Variants in PMFBP1 observed in about 807,000 individuals in gnomAD.
The protein encoded by PMFBP1 is polyamine modulated factor 1 binding protein 1, also known as polyamine-modulated factor 1-binding protein 1.
PMFBP1 carries 131 observed loss-of-function variants against 137.8 expected under a neutral mutation model. The ratio of observed to expected loss-of-function variants is 0.95; its 90% CI spans 0.82 to 1.10. The LOEUF is 1.10. PMFBP1 is among the 50% of genes least tolerant of loss of function. PMFBP1 has a pLI of 0.00. For missense variants in PMFBP1, 1,199 were observed against 1,175.4 expected (o/e 1.02, Z -0.29); for synonymous variants, 490 against 450.4 (o/e 1.09, Z -1.11).
At chr16:72,120,241 G>A in intron 19 of PMFBP1, 152 bp from the exon 20 acceptor site, 1 of 1,299,720 alleles carries the variant, frequency 7.7e-7, no homozygotes, top group Non-Finnish European at 1.1e-6. Context: ...CTGTAGAAAT[G>A]GAAGCCTACG....
At chr16:72,135,419 G>T (rs1473673990) in intron 9 of PMFBP1, among the ~76,000 whole-genome samples, 5 of 146,934 alleles carry the variant, frequency 3.4e-5, no homozygotes, top group South Asian at 2.1e-4. Context: ...GTTTCACCCT[G>T]TTGGTCAGGC....
At chr16:72,135,469 G>A (rs1400315045) in intron 9 of PMFBP1, among the ~76,000 whole-genome samples, 3 of 151,004 alleles carry the variant, frequency 2.0e-5, no homozygotes, top group South Asian at 2.1e-4. Context: ...CACCCACCTC[G>A]GCCTCCCAAA....
intron 20 of PMFBP1, 156 bp downstream of exon 20, chr16:72,119,695 C>T (rs2042347391): frequency 1.4e-6 from 2 of 1,468,622 alleles, no homozygotes; most frequent in South Asian, 2.9e-5. Context: ...TGCCTCCTCC[C>T]TTTACAGATG....
At chr16:72,150,466 G>T (rs1033219991) in intron 5 of PMFBP1, 142 bp downstream of exon 5, 13 of 774,256 alleles carry the variant, frequency 1.7e-5, no homozygotes, top group Non-Finnish European at 2.8e-5. Context: ...AGGTTCAAAA[G>T]CTGAGGGCTA....
upstream of PMFBP1, among the ~76,000 whole-genome samples, chr16:72,180,593 C>T (rs181206858): frequency 6.6e-6 from 1 of 152,100 alleles, no homozygotes; most frequent in Admixed American, 6.5e-5. Context: ...ACTTCTGCTG[C>T]GACTCCCAAG....
In PMFBP1 at chr16:72,126,106, C is replaced by T. The variant is rs1295984830; in HGVS notation, c.2115G>A (p.Met705Ile). The T allele has an allele frequency of 1.2e-6, 2 of 1,614,016 alleles. No homozygotes were observed. Among genetic ancestry groups the T allele is most frequent in the Non-Finnish European group, 8.5e-7 (1 of 1,180,004 alleles). Residue 705 changes from methionine (M) to isoleucine (I), a missense_variant, in exon 15 of 21, where the codon ATG becomes ATA. By Grantham distance (10) the Met-to-Ile change is conservative. Transcript: ENST00000237353. ...CTTTGTCCAGCTGGGCCTGCAGGCT[C>T]ATTAAGGACTCCTTCTGAAGGGCTA... ...KEIALQKESL[M>I]SLQAQLDKAL...
the PMFBP1 span, among the ~76,000 whole-genome samples, chr16:72,239,576 T>C: frequency 1.1e-4 from 17 of 152,260 alleles, no homozygotes; most frequent in Middle Eastern, 3.4e-3. Flanking sequence ...TGGTTTATCA[T>C]TACTATCATC....
chr16:72,226,552 AAAAGCTTCC>A, the PMFBP1 span, among the ~76,000 whole-genome samples: 3 of 152,326 alleles, frequency 2.0e-5, no homozygotes, highest in African/African-American at 7.2e-5. Context: ...ACACATTGCC[AAAAGCTTCC>A]ATTTGTCTCC....
chr16:72,211,932 G>A, the PMFBP1 span, among the ~76,000 whole-genome samples: 2 of 152,174 alleles, frequency 1.3e-5, no homozygotes, highest in East Asian at 1.9e-4. Flanking sequence ...GGGAGGCAGA[G>A]GTTGCAGTGA....
intron 2 of PMFBP1, among the ~76,000 whole-genome samples, chr16:72,167,896 A>G (rs1459534362): frequency 6.6e-6 from 1 of 152,212 alleles, no homozygotes; most frequent in African/African-American, 2.4e-5. Context: ...GAGTCTCTCT[A>G]AATTAAAAGT....
the PMFBP1 span, among the ~76,000 whole-genome samples, chr16:72,205,443 C>T: frequency 1.4e-4 from 22 of 152,338 alleles, no homozygotes; most frequent in Middle Eastern, 3.4e-3. Context: ...ACAGTAACCA[C>T]GTGTGTGTCC....
intron 14 of PMFBP1, among the ~76,000 whole-genome samples, chr16:72,127,430 A>G (rs541197053): frequency 6.6e-6 from 1 of 152,352 alleles, no homozygotes; most frequent in East Asian, 1.9e-4. Flanking sequence ...AACCAGAGGA[A>G]TCACTGGAGA....
chr16:72,222,081 T>TC, the PMFBP1 span, among the ~76,000 whole-genome samples: 1 of 151,940 alleles, frequency 6.6e-6, no homozygotes, highest in Non-Finnish European at 1.5e-5. Context: ...TGCATGGGAG[T>TC]CGTGTGGCCA....
the PMFBP1 span, among the ~76,000 whole-genome samples, chr16:72,223,173 G>A: frequency 6.6e-6 from 1 of 152,150 alleles, no homozygotes; most frequent in South Asian, 2.1e-4. Flanking sequence ...ATCCCATCCT[G>A]CACAAGGAAG....
the PMFBP1 span, among the ~76,000 whole-genome samples, chr16:72,198,965 C>G: frequency 6.6e-6 from 1 of 152,210 alleles, no homozygotes; most frequent in Non-Finnish European, 1.5e-5. Flanking sequence ...CGTCATCGAT[C>G]TCCCCTGCCC....
chr16:72,163,703 G>C (rs571589761), intron 3 of PMFBP1, among the ~76,000 whole-genome samples: 2 of 152,182 alleles, frequency 1.3e-5, no homozygotes, highest in East Asian at 3.9e-4. Context: ...CCATGTTTTC[G>C]CATGTGGTAT....
the PMFBP1 span, among the ~76,000 whole-genome samples, chr16:72,194,336 C>T: frequency 6.6e-6 from 1 of 152,162 alleles, no homozygotes; most frequent in African/African-American, 2.4e-5. Flanking sequence ...GAAAGAGTTG[C>T]ACATTCTTTT....
At chr16:72,133,234 G>C (rs2042575534) in intron 9 of PMFBP1, among the ~76,000 whole-genome samples, 1 of 152,042 alleles carries the variant, frequency 6.6e-6, no homozygotes. Flanking sequence ...GCCCAGGCTG[G>C]AGTGCAATAG....
At chr16:72,225,408 G>A in the PMFBP1 span, among the ~76,000 whole-genome samples, 1 of 152,058 alleles carries the variant, frequency 6.6e-6, no homozygotes, top group African/African-American at 2.4e-5. Context: ...AGACCCCACT[G>A]GCCCGGCACA....
Sources: allele counts gnomAD v4.1 joint callset (sites outside exome capture counted in the v4.1 genomes callset), GRCh38; gene constraint gnomAD v4.1.1; transcripts MANE v1.5; gene names NCBI Gene and HGNC (gene_info 2026-07-23, HGNC 2026-07-21).